The following TMEM132C variants were observed in gnomAD, a reference collection of about 807,000 sequenced individuals.
TMEM132C encodes protein phosphatase 1, regulatory subunit 152.
A neutral mutation model predicts 61.4 loss-of-function variants in TMEM132C; 29 were observed. The observed-to-expected ratio is 0.47, with a 90% CI of 0.35 to 0.64. The LOEUF (loss-of-function observed/expected upper bound fraction) is 0.64. Ranked by LOEUF, TMEM132C falls within the 30% of genes least tolerant of loss-of-function variation. The probability of loss-of-function intolerance (pLI) is 0.00; values close to 1 mark genes in which losing one functional copy is unlikely to be tolerated. For missense variants in TMEM132C, 1,408 were observed against 1,476.9 expected, an observed-to-expected ratio of 0.95 and a Z score of 0.76; for synonymous variants, 656 against 633.1, an observed-to-expected ratio of 1.04 and a Z score of -0.54.
At chr12:128,676,694 C>G (rs933130988) in intron 5 of TMEM132C, among the ~76,000 whole-genome samples, 7 of 152,170 alleles carry the variant, frequency 4.6e-5, no homozygotes, top group African/African-American at 1.7e-4. Context: ...ACACATGTGT[C>G]TACACAATTC....
At chr12:128,622,552 C>T (rs1953978708) in intron 4 of TMEM132C, among the ~76,000 whole-genome samples, 3 of 151,312 alleles carry the variant, frequency 2.0e-5, no homozygotes, top group Admixed American at 6.6e-5. Flanking sequence ...TTTCCTGCAT[C>T]CTCTGCCCTT....
chr12:128,656,833 G>GA (rs776370044), intron 4 of TMEM132C, among the ~76,000 whole-genome samples: 170 of 151,980 alleles, frequency 1.1e-3, no homozygotes, highest in Middle Eastern at 3.2e-3. Context: ...AGTAACTGAA[G>GA]AAAAAAAGAG....
chr12:128,604,501 CAGAT>C (rs1876337886), intron 3 of TMEM132C, among the ~76,000 whole-genome samples: 1 of 145,626 alleles, frequency 6.9e-6, no homozygotes, highest in Non-Finnish European at 1.5e-5. Flanking sequence ...GAGGGATAGA[CAGAT>C]GGCTAGATAG....
At chr12:128,507,841 G>T (rs1486700218) in intron 2 of TMEM132C, among the ~76,000 whole-genome samples, 2 of 152,176 alleles carry the variant, frequency 1.3e-5, no homozygotes, top group Non-Finnish European at 2.9e-5. Flanking sequence ...TAGGAAACTG[G>T]CTGAGGCATG....
At chr12:128,323,149 C>T (rs573563909) in intron 1 of TMEM132C, among the ~76,000 whole-genome samples, 1 of 152,254 alleles carries the variant, frequency 6.6e-6, no homozygotes, top group South Asian at 2.1e-4. Flanking sequence ...AAGAAAACTT[C>T]CAGAAAAATG....
chr12:128,350,744 T>G (rs956758673), intron 1 of TMEM132C, among the ~76,000 whole-genome samples: 1 of 152,118 alleles, frequency 6.6e-6, no homozygotes, highest in Non-Finnish European at 1.5e-5. Flanking sequence ...TCCTGATGGT[T>G]AGCTGAGCGC....
rs138145805 is a variant in TMEM132C at position 128,345,063 on chromosome 12, C to T, written c.86-69669C>T. On this transcript the variant is annotated intron_variant, in intron 1 of 8. Coordinates refer to ENST00000435159, the MANE Select transcript of TMEM132C (RefSeq NM_001136103.3). ...TCTTCCTGATCCTCTCCCTCCTCCC[C>T]GCCCACCACCCTCTAACAGGCCTCA... Among the ~76,000 whole-genome samples the T allele has an allele frequency of 2.7e-3, 415 of 152,064 alleles. 2 individuals carry two copies. The highest frequency in any genetic ancestry group is 6.5e-3 in the Admixed American group (99 of 15,250).
chr12:128,592,463 T>G (rs1593112068), intron 3 of TMEM132C, among the ~76,000 whole-genome samples: 1 of 152,236 alleles, frequency 6.6e-6, no homozygotes, highest in Non-Finnish European at 1.5e-5. Flanking sequence ...AAGGACCAGA[T>G]GAGTGATGCA....
chr12:128,423,243 C>T (rs765641533), intron 2 of TMEM132C, among the ~76,000 whole-genome samples: 4 of 152,170 alleles, frequency 2.6e-5, no homozygotes, highest in Non-Finnish European at 2.9e-5. Flanking sequence ...TTCTCAGCTT[C>T]GGCACAGAAG....
At chr12:128,396,328 T>G (rs964833132) in intron 1 of TMEM132C, among the ~76,000 whole-genome samples, 1 of 151,732 alleles carries the variant, frequency 6.6e-6, no homozygotes, top group African/African-American at 2.4e-5. Context: ...AAGTGGGAGT[T>G]GAACAATGAG....
chr12:128,269,229 C>G (rs1486478335), intron 1 of TMEM132C, among the ~76,000 whole-genome samples: 1 of 152,110 alleles, frequency 6.6e-6, no homozygotes, highest in African/African-American at 2.4e-5. Context: ...GCTAATTGAG[C>G]AGGGCGTGAC....
At position 128,335,433 on chromosome 12, in the gene TMEM132C, T is replaced by G. The variant is rs149725217; in HGVS notation, c.85+67946T>G. Reference sequence around the variant, plus strand: ...TTGGATTTTCAAAAGAGAGATCAAATTTTTCAGAAAGATTAACCATCGCTG... The same window carrying G: ...TTGGATTTTCAAAAGAGAGATCAAAGTTTTCAGAAAGATTAACCATCGCTG... On this transcript the variant is annotated intron_variant, in intron 1 of 8. Transcript: ENST00000435159. Among the ~76,000 whole-genome samples the G allele has an allele frequency of 1.6e-4, 24 of 152,346 alleles. No homozygotes were observed. The East Asian group carries it at 4.6e-3, about 29-fold the overall frequency.
Position 128,415,643 on chromosome 12 carries a change from G to T in TMEM132C, c.974+23G>T. The T allele has an allele frequency of 6.7e-7, 1 of 1,494,556 alleles. No individual in the cohort carries two copies. The highest frequency in any genetic ancestry group is 1.4e-5 in the African/African-American group (1 of 71,930). The allele number at this position is 1,494,556 out of a possible 1,614,324, so 92.6% of individuals were successfully genotyped here. A position where few individuals can be genotyped will look rare whatever the true frequency, so the allele number is the denominator to read the frequency against. On this transcript the variant is annotated intron_variant, in intron 2 of 8. Coordinates refer to ENST00000435159, the MANE Select transcript of TMEM132C (RefSeq NM_001136103.3). The surrounding 1 kb of genome is among the most constrained non-coding windows in gnomAD (Gnocchi z 5.8). ...GAGGTAGGTGCCCATGCTTGCCCCT[G>T]ATCATCTTTGGCATGCCTGGTGTGA...
intron 1 of TMEM132C, among the ~76,000 whole-genome samples, chr12:128,378,587 A>G (rs985430650): frequency 1.3e-5 from 2 of 152,194 alleles, no homozygotes; most frequent in Non-Finnish European, 2.9e-5. Context: ...GCACTTTTAC[A>G]GTGTCTTTCT....
Position 128,543,987 on chromosome 12 carries a change from G to C in TMEM132C, c.1005G>C (p.Leu335=), listed in dbSNP as rs1432537501. 6.4e-5 allele frequency: 99 copies of C among 1,548,558 alleles called. No homozygotes were observed. The highest frequency in any genetic ancestry group is 8.6e-5 in the Non-Finnish European group (98 of 1,145,794). Residue 335 remains leucine (L), a synonymous_variant, in exon 3 of 9, where the codon CTG becomes CTC. Transcript: ENST00000435159. The stretch of plus-strand genomic sequence containing the variant: ...AGGTGAAGAAGGGGGTGAACATCCT[G>C]AGTGCTCAGACCCGTGAGCCCCGGC... ...RAKVKKGVNI[L]SAQTREPRQW...
At chr12:128,604,488 A>C (rs1193934523) in intron 3 of TMEM132C, among the ~76,000 whole-genome samples, 1 of 152,010 alleles carries the variant, frequency 6.6e-6, no homozygotes, top group African/African-American at 2.4e-5. Flanking sequence ...TGGATAGATC[A>C]TAGAGGGATA....
intron 3 of TMEM132C, among the ~76,000 whole-genome samples, chr12:128,613,602 C>T (rs991695860): frequency 1.3e-5 from 2 of 152,182 alleles, no homozygotes; most frequent in African/African-American, 4.8e-5. Flanking sequence ...GATTTCTTTT[C>T]CCTCCCAGAG....
intron 4 of TMEM132C, among the ~76,000 whole-genome samples, chr12:128,616,666 C>A (rs1164320720): frequency 6.6e-6 from 1 of 152,182 alleles, no homozygotes; most frequent in Non-Finnish European, 1.5e-5. Flanking sequence ...CATCTTTCTG[C>A]AAACTCGGTT....
intron 1 of TMEM132C, 93 bp downstream of exon 1, chr12:128,267,580 G>T (rs942360422): frequency 4.8e-6 from 5 of 1,048,428 alleles, no homozygotes; most frequent in Non-Finnish European, 6.0e-6. Flanking sequence ...CGAGGGGTGC[G>T]GCGGGGGCCT....
Sources: gnomAD v4.1 joint callset for allele counts (sites outside exome capture counted in the v4.1 genomes callset) on GRCh38, gnomAD v4.1.1 for gene constraint, Gnocchi (gnomAD v3.1) non-coding constraint, MANE v1.5 for transcripts, NCBI Gene and HGNC (gene_info 2026-07-23, HGNC 2026-07-21) for gene names.